The following WDR7 variants were observed in gnomAD, a reference collection of about 807,000 sequenced individuals.
WDR7 encodes the protein WD repeat domain 7.
A neutral mutation model predicts 169.4 loss-of-function variants in WDR7; 46 were observed. The ratio of observed to expected loss-of-function variants is 0.27; its 90% CI spans 0.21 to 0.35. WDR7 has a LOEUF of 0.35. WDR7 is among the 10% of genes least tolerant of loss of function. The pLI is 1.00. For missense variants in WDR7, 1,534 were observed against 1,859.3 expected (o/e 0.83, Z 3.22); for synonymous variants, 612 against 666.8 (o/e 0.92, Z 1.27).
At chr18:57,033,855 ACCCAGC>A (rs2048454765), downstream of WDR7, 1 of 152,160 alleles carries the variant, frequency 6.6e-6, no homozygotes, top group Non-Finnish European at 1.5e-5. Context: ...AGGTTTAAAG[ACCCAGC>A]CCCGGCTGAG....
chr18:57,011,196 A>G (rs189439332), intron 26 of WDR7, among the ~76,000 whole-genome samples: 170 of 152,272 alleles, frequency 1.1e-3, no homozygotes, highest in African/African-American at 3.8e-3. Flanking sequence ...GCATGTTAAT[A>G]TATAACCCCC....
chr18:56,781,069 T>C (rs773336121), intron 18 of WDR7, among the ~76,000 whole-genome samples: 9 of 149,986 alleles, frequency 6.0e-5, no homozygotes, highest in Non-Finnish European at 7.4e-5. Context: ...TACGTATTTG[T>C]TTGTATAAAT....
At chr18:56,854,248 C>T (rs1457063001) in intron 20 of WDR7, among the ~76,000 whole-genome samples, 2 of 152,218 alleles carry the variant, frequency 1.3e-5, no homozygotes, top group African/African-American at 4.8e-5. Context: ...TTCTGGTCAG[C>T]TGACTACAAA....
At chr18:56,764,741 A>G (rs1407592592) in intron 16 of WDR7, among the ~76,000 whole-genome samples, 1 of 152,122 alleles carries the variant, frequency 6.6e-6, no homozygotes, top group African/African-American at 2.4e-5. Context: ...GTTGGGTGGA[A>G]TATTTTATAA....
intron 26 of WDR7, among the ~76,000 whole-genome samples, chr18:56,971,198 G>C (rs1386478939): frequency 6.6e-6 from 1 of 151,636 alleles, no homozygotes; most frequent in Non-Finnish European, 1.5e-5. Flanking sequence ...CTTGAACCTG[G>C]GAGGCGGAAG....
chr18:56,996,166 G>A (rs1237935867), intron 26 of WDR7, among the ~76,000 whole-genome samples: 1 of 152,140 alleles, frequency 6.6e-6, no homozygotes, highest in South Asian at 2.1e-4. Context: ...AAAATTTCCT[G>A]TAATATAAAT....
At position 57,019,355 on chromosome 18, in the gene WDR7, G is replaced by A. The variant is rs900723727; in HGVS notation, c.4165-1390G>A. Among the ~76,000 whole-genome samples, 4 of 151,868 alleles carry A rather than the reference G, an allele frequency of 2.6e-5. No individual in the cohort carries two copies. In the East Asian group the frequency reaches 5.8e-4, roughly 22 times the overall value. On this transcript the variant is annotated intron_variant, in intron 26 of 27. Coordinates refer to ENST00000254442, the MANE Select transcript of WDR7 (RefSeq NM_015285.3). ...TATTATCATTATCATCATCATCATC[G>A]TTCCTACTTTACAAACATGGGTACT...
intron 11 of WDR7, 139 bp downstream of exon 11, chr18:56,695,337 T>C: frequency 1.9e-6 from 2 of 1,029,630 alleles, no homozygotes; most frequent in Non-Finnish European, 2.7e-6. Flanking sequence ...GTTGGTAGAG[T>C]TTAATGCACA....
At chr18:56,965,311 A>G (rs2047393162) in intron 26 of WDR7, among the ~76,000 whole-genome samples, 2 of 152,168 alleles carry the variant, frequency 1.3e-5, no homozygotes, top group Non-Finnish European at 1.5e-5. Flanking sequence ...GCCCAGTGGG[A>G]TCAGAGAACC....
At chr18:56,873,252 A>G (rs2045976925) in intron 20 of WDR7, among the ~76,000 whole-genome samples, 2 of 152,184 alleles carry the variant, frequency 1.3e-5, no homozygotes, top group Admixed American at 1.3e-4. Context: ...TTATGAGCCT[A>G]TGTACATGCC....
intron 11 of WDR7, 150 bp downstream of exon 11, chr18:56,695,348 G>A (rs1160867991): frequency 1.1e-6 from 1 of 925,604 alleles, no homozygotes; most frequent in Non-Finnish European, 1.6e-6. Flanking sequence ...TTAATGCACA[G>A]ATAAAATATT....
chr18:56,660,825 A>T (rs1407957668), intron 1 of WDR7, among the ~76,000 whole-genome samples: 2 of 152,240 alleles, frequency 1.3e-5, no homozygotes, highest in African/African-American at 4.8e-5. Flanking sequence ...GATAAGGGTT[A>T]GAACTTGATA....
intron 19 of WDR7, among the ~76,000 whole-genome samples, chr18:56,806,752 T>C (rs2044779865): frequency 6.6e-6 from 1 of 152,202 alleles, no homozygotes; most frequent in Non-Finnish European, 1.5e-5. Flanking sequence ...CTTTGTACTT[T>C]TGTGTCTCTA....
intron 21 of WDR7, among the ~76,000 whole-genome samples, chr18:56,916,744 C>CAA: frequency 6.6e-6 from 1 of 152,114 alleles, no homozygotes; most frequent in Non-Finnish European, 1.5e-5. Flanking sequence ...TGGCATTTTA[C>CAA]TGTTTGTGTG....
rs762535045 is a variant in WDR7 at position 56,776,817 on chromosome 18, G to C, written c.2884G>C (p.Asp962His). ...TGTCGTTTCCGCTCGGTCTGATGCT[G>C]ATCACTCTGGCTCTGACCCTCCTTC... ...APVVSARSDA[D>H]HSGSDPPSAP... Residue 962 changes from aspartate (D) to histidine (H), a missense_variant, in exon 17 of 28, where the codon GAT (aspartate) becomes CAT (histidine). By Grantham distance (81) the Asp-to-His change is moderately conservative (BLOSUM62 -1). Coordinates refer to ENST00000254442, the MANE Select transcript of WDR7 (RefSeq NM_015285.3). 1.2e-6 allele frequency: 2 copies of C among 1,613,896 alleles called. No homozygotes were observed. The highest frequency in any genetic ancestry group is 1.1e-5 in the South Asian group (1 of 91,074).
intron 20 of WDR7, among the ~76,000 whole-genome samples, chr18:56,856,577 T>C (rs963080600): frequency 6.6e-6 from 1 of 151,758 alleles, no homozygotes; most frequent in African/African-American, 2.4e-5. Flanking sequence ...CTATAATTTT[T>C]AAAATCTTTT....
intron 20 of WDR7, among the ~76,000 whole-genome samples, chr18:56,876,346 G>A (rs1389668328): frequency 6.6e-6 from 1 of 152,022 alleles, no homozygotes; most frequent in East Asian, 1.9e-4. Flanking sequence ...AATCAAGATG[G>A]CTCCGGGAGT....
At chr18:56,978,376 G>T (rs2047596522) in intron 26 of WDR7, among the ~76,000 whole-genome samples, 1 of 151,606 alleles carries the variant, frequency 6.6e-6, no homozygotes. Flanking sequence ...TGCATTCATT[G>T]ATTTAAGAAA....
In WDR7 at chr18:56,758,855, CTTTTT is replaced by C. The variant is rs1568178925; in HGVS notation, c.2760-8_2760-4del. 6.3e-7 allele frequency: 1 copy of C among 1,584,796 alleles called. No homozygotes were observed. Among genetic ancestry groups the C allele is most frequent in the African/African-American group, 1.4e-5 (1 of 72,966 alleles). On this transcript the variant is annotated splice_polypyrimidine_tract_variant and splice_region_variant and intron_variant, in intron 15 of 27. Coordinates refer to ENST00000254442, the MANE Select transcript of WDR7 (RefSeq NM_015285.3). ...AAAATATATCTTGTATTTTTTTCTTCTTTTTTAAGGCCACCTAGACCAAGCACCCC... is the reference window on the plus strand; with the variant it reads ...AAAATATATCTTGTATTTTTTTCTTCTAAGGCCACCTAGACCAAGCACCCC...
Sources: allele counts gnomAD v4.1 joint callset (sites outside exome capture counted in the v4.1 genomes callset), GRCh38; gene constraint gnomAD v4.1.1; transcripts MANE v1.5; gene names NCBI Gene and HGNC (gene_info 2026-07-23, HGNC 2026-07-21).